The following TYRO3 variants were observed in gnomAD, a reference collection of about 807,000 sequenced individuals.
The protein encoded by TYRO3 is TYRO3 protein tyrosine kinase, also known as tyrosine-protein kinase receptor TYRO3.
Under a neutral mutation model 95.2 loss-of-function variants are expected in TYRO3, and 38 were observed. That is an observed-to-expected ratio of 0.40 (90% confidence interval 0.31 to 0.52). The LOEUF is 0.52. TYRO3 is among the 20% of genes least tolerant of loss of function. TYRO3 has a pLI of 0.56. For missense variants in TYRO3, 812 were observed against 1,116.4 expected (o/e 0.73, Z 3.89); for synonymous variants, 367 against 432.9 (o/e 0.85, Z 1.89).
rs761068185 is a variant in TYRO3 at position 41,571,595 on chromosome 15, C to G, written c.1661C>G (p.Ala554Gly). The G allele has an allele frequency of 1.2e-6, 2 of 1,610,032 alleles. No homozygotes were observed. Among genetic ancestry groups the G allele is most frequent in the Non-Finnish European group, 1.7e-6 (2 of 1,176,422 alleles). ...FVKVAVKMLKADIIASSDIEE... is the reference protein window; with the variant it reads ...FVKVAVKMLKGDIIASSDIEE... ...CTCCTTCCCCATCCCCTTCTCCTAGCTGACATCATTGCCTCAAGCGACATT... is the reference window on the plus strand; with the variant it reads ...CTCCTTCCCCATCCCCTTCTCCTAGGTGACATCATTGCCTCAAGCGACATT... Residue 554 changes from alanine to glycine, a missense_variant and splice_region_variant, in exon 14 of 19, where the codon GCT becomes GGT. Physicochemically the swap from Ala to Gly is moderately conservative, Grantham distance 60. Transcript: ENST00000263798.
intron 15 of TYRO3, 122 bp downstream of exon 15, chr15:41,572,686 G>T: frequency 7.7e-7 from 1 of 1,303,912 alleles, no homozygotes; most frequent in East Asian, 2.4e-5. Flanking sequence ...GGTGGGAGTA[G>T]GAGGGGTCTG....
At position 41,565,713 on chromosome 15, in the gene TYRO3, A is replaced by G. The variant is rs1182542525; in HGVS notation, c.783+572A>G. The stretch of plus-strand genomic sequence containing the variant: ...CAAAGTGCTGGTATTACAGGCATGA[A>G]CCAGCACACCCAGACGAGTTTTTCT... On this transcript the variant is annotated intron_variant, in intron 6 of 18. Transcript: ENST00000263798. Among the ~76,000 whole-genome samples, 5 of 151,790 alleles carry G rather than the reference A, an allele frequency of 3.3e-5. No individual in the cohort carries two copies. In the East Asian group the frequency reaches 9.7e-4, roughly 29 times the overall value.
chr15:41,565,094 A>G lies in TYRO3; in HGVS notation c.736A>G (p.Met246Val), dbSNP rs746749128. 2.5e-6 allele frequency: 4 copies of G among 1,613,420 alleles called. No homozygotes were observed. Among genetic ancestry groups the G allele is most frequent in the Non-Finnish European group, 3.4e-6 (4 of 1,179,994 alleles). ...LSSSNASVAW[M>V]PGADGRALLQ... The stretch of plus-strand genomic sequence containing the variant: ...CAGCAGCAACGCTAGTGTGGCCTGG[A>G]TGCCAGGTGCTGATGGCCGAGCTCT... The change falls in exon 6 of 19, where the codon ATG (methionine) becomes GTG (valine). Residue 246 changes from methionine to valine, a missense_variant. Coordinates refer to ENST00000263798, the MANE Select transcript of TYRO3 (RefSeq NM_006293.4).
At chr15:41,576,104 C>CCCA (rs2055857027) in intron 18 of TYRO3, among the ~76,000 whole-genome samples, 1 of 102,102 alleles carries the variant, frequency 9.8e-6, no homozygotes, top group Non-Finnish European at 1.9e-5. Context: ...AACTCCATCT[C>CCCA]AAAAAAAAAA....
chr15:41,565,851 C>G (rs1455433048), intron 6 of TYRO3, among the ~76,000 whole-genome samples: 1 of 152,150 alleles, frequency 6.6e-6, no homozygotes, highest in Non-Finnish European at 1.5e-5. Context: ...GGCCCTAAGC[C>G]TTGGAGAGTG....
intron 9 of TYRO3, 78 bp downstream of exon 9, chr15:41,569,100 C>T (rs961941128): frequency 6.5e-7 from 1 of 1,532,692 alleles, no homozygotes; most frequent in Non-Finnish European, 8.9e-7. Flanking sequence ...ATGGGAGGAG[C>T]CTAGTAGCAT....
rs1231604655 is a variant in TYRO3 at position 41,581,038 on chromosome 15, A to T, written c.*2762A>T. ...CCCCATCTCAACTAAAAATTCAAAA[A>T]AGTTTAGCCAGGCTTGGTGGCGCAG... On this transcript the variant is annotated 3_prime_UTR_variant, in exon 19 of 19. Coordinates refer to ENST00000263798, the MANE Select transcript of TYRO3 (RefSeq NM_006293.4). 1 of 152,858 alleles carries T rather than the reference A, an allele frequency of 6.5e-6. No homozygotes were observed. Among genetic ancestry groups the T allele is most frequent in the African/African-American group, 2.4e-5 (1 of 41,458 alleles). 9.5% of individuals were successfully genotyped at this position (152,858 alleles called of 1,614,324 possible).
intron 18 of TYRO3, among the ~76,000 whole-genome samples, chr15:41,576,645 CTTTTTTTTTTTTTT>C (rs971951671): frequency 9.9e-6 from 1 of 101,092 alleles, no homozygotes; most frequent in Admixed American, 1.2e-4. Flanking sequence ...AGTAGGTTTC[CTTTTTTTTTTTTTT>C]TTTTTTTTTT....
At chr15:41,574,043 C>T (rs2055833703) in intron 18 of TYRO3, among the ~76,000 whole-genome samples, 3 of 152,224 alleles carry the variant, frequency 2.0e-5, no homozygotes, top group African/African-American at 7.2e-5. Flanking sequence ...GTCTATCAGT[C>T]TCTTTTCTCC....
Position 41,578,733 on chromosome 15 carries a change from C to T in TYRO3, c.*457C>T, listed in dbSNP as rs2055891910. 1.0e-5 allele frequency: 2 copies of T among 193,758 alleles called. No individual in the cohort carries two copies. The highest frequency in any genetic ancestry group is 2.6e-4 in the South Asian group (2 of 7,738). The allele number at this position is 193,758 out of a possible 1,614,324, so 12.0% of individuals were successfully genotyped here. ...GGTTTAAATATCCAGGTGTGCCCCT[C>T]CAAGTCACAAAGAGATGTCCTTGTA... is the stretch of plus-strand genomic sequence containing the variant. On this transcript the variant is annotated 3_prime_UTR_variant, in exon 19 of 19. Coordinates refer to ENST00000263798, the MANE Select transcript of TYRO3 (RefSeq NM_006293.4).
intron 3 of TYRO3, 114 bp from the exon 4 acceptor site, chr15:41,562,434 G>C (rs1457392401): frequency 2.0e-6 from 2 of 1,012,698 alleles, no homozygotes; most frequent in African/African-American, 3.2e-5. Flanking sequence ...CTAATCATAA[G>C]GGGCCTGTGG....
At chr15:41,574,128 C>A (rs2055834438) in intron 18 of TYRO3, among the ~76,000 whole-genome samples, 1 of 152,196 alleles carries the variant, frequency 6.6e-6, no homozygotes, top group Non-Finnish European at 1.5e-5. Flanking sequence ...GTTTCCCTGC[C>A]ATCTTCCCAC....
At position 41,581,715 on chromosome 15, in the gene TYRO3, C is replaced by T. The variant is rs1181643939; in HGVS notation, c.*3439C>T. 6.6e-6 allele frequency: 1 copy of T among 150,720 alleles called. No homozygotes were observed. The highest frequency in any genetic ancestry group is 2.0e-4 in the East Asian group (1 of 5,112). The allele number at this position is 150,720 out of a possible 1,614,324, so 9.3% of individuals were successfully genotyped here. A position where few individuals can be genotyped will look rare whatever the true frequency, so the allele number is the denominator to read the frequency against. On this transcript the variant is annotated 3_prime_UTR_variant, in exon 19 of 19. Transcript: ENST00000263798. ...TGGTGGCAGGCACCTGTAATCCCAG[C>T]TACTTGGGAGGCTAAGGCAGGAGAA...
chr15:41,573,372 G>A lies in TYRO3; in HGVS notation c.2050G>A (p.Asp684Asn), dbSNP rs749969459. The A allele has an allele frequency of 4.3e-6, 7 of 1,614,266 alleles. No individual in the cohort carries two copies. The highest frequency in any genetic ancestry group is 1.6e-4 in the Middle Eastern group (1 of 6,062). The change falls in exon 17 of 19, where the codon GAC (aspartate) becomes AAC (asparagine). Residue 684 changes from aspartate (D) to asparagine (N), a missense_variant. By Grantham distance (23) the Asp-to-Asn change is conservative. Coordinates refer to ENST00000263798, the MANE Select transcript of TYRO3 (RefSeq NM_006293.4). ...ACTCTCCCGGAAGATCTACAGTGGG[G>A]ACTACTATCGTCAAGGCTGTGCCTC... ...FGLSRKIYSG[D>N]YYRQGCASKL...
intron 8 of TYRO3, 31 bp downstream of exon 8, chr15:41,568,393 T>A (rs1762222331): frequency 6.3e-7 from 1 of 1,592,268 alleles, no homozygotes; most frequent in Non-Finnish European, 8.6e-7. Context: ...CTCTCCACTC[T>A]CCTGGAGTAT....
rs2055645324 is a variant in TYRO3 at position 41,560,994 on chromosome 15, C to T, written c.125-133C>T. On this transcript the variant is annotated intron_variant, in intron 1 of 18. Coordinates refer to ENST00000263798, the MANE Select transcript of TYRO3 (RefSeq NM_006293.4). ...GACCTTCCCTTCCACACTGTCCTACCTCTGCTTCCTTGACTTTGGCTGAGA... is the reference window on the plus strand; with the variant it reads ...GACCTTCCCTTCCACACTGTCCTACTTCTGCTTCCTTGACTTTGGCTGAGA... 6 of 1,117,288 alleles carry T rather than the reference C, an allele frequency of 5.4e-6. No individual in the cohort carries two copies. In the African/African-American group the frequency reaches 6.1e-5, roughly 11 times the overall value. The allele number at this position is 1,117,288 out of a possible 1,614,324, so 69.2% of individuals were successfully genotyped here.
intron 1 of TYRO3, 83 bp downstream of exon 1, chr15:41,559,464 C>A (rs1053415930): frequency 2.2e-5 from 4 of 185,602 alleles, no homozygotes; most frequent in Middle Eastern, 4.0e-3. Flanking sequence ...GCGGGCCTGG[C>A]GGGCTGGAGT....
At position 41,572,998 on chromosome 15, in the gene TYRO3, C is replaced by G. The variant is rs749450723; in HGVS notation, c.1876-4C>G. ...AGCCTGAGCTTGGCCTGTCTGTCCA[C>G]TAGAACCTACCCCTCCAGACCCTGA... is the stretch of plus-strand genomic sequence containing the variant. On this transcript the variant is annotated splice_region_variant and splice_polypyrimidine_tract_variant and intron_variant, in intron 15 of 18. Transcript: ENST00000263798. 2.9e-5 allele frequency: 46 copies of G among 1,613,308 alleles called. No individual in the cohort carries two copies. Among genetic ancestry groups the G allele is most frequent in the Non-Finnish European group, 3.2e-5 (38 of 1,179,494 alleles).
rs2055940774 is a variant in TYRO3, at chr15:41,583,231, CGT to C, written c.*4957_*4958del. ...CAGGATGGTCTCGATCTCCTGACCT[CGT>C]GATCTGCCCGCCTCAGCCTCCCAAA... On this transcript the variant is annotated 3_prime_UTR_variant, in exon 19 of 19. Coordinates refer to ENST00000263798, the MANE Select transcript of TYRO3 (RefSeq NM_006293.4). 1 of 152,010 alleles carries C rather than the reference CGT, an allele frequency of 6.6e-6. No individual in the cohort carries two copies. Among genetic ancestry groups the C allele is most frequent in the Admixed American group, 6.6e-5 (1 of 15,244 alleles). The allele number at this position is 152,010 out of a possible 1,614,324, so 9.4% of individuals were successfully genotyped here. A position where few individuals can be genotyped will look rare whatever the true frequency, so the allele number is the denominator to read the frequency against.
Sources: allele counts gnomAD v4.1 joint callset (sites outside exome capture counted in the v4.1 genomes callset), GRCh38; gene constraint gnomAD v4.1.1; transcripts MANE v1.5; gene names NCBI Gene and HGNC (gene_info 2026-07-23, HGNC 2026-07-21).